Variants in MAFF observed in about 807,000 individuals in gnomAD.
MAFF encodes the protein transcription factor MafF.
In MAFF, 4 loss-of-function variants were observed where a neutral mutation model predicts 2.7. The observed-to-expected ratio is 1.48, with a 90% CI of 0.73 to 3.39. The LOEUF is 3.39. MAFF is among the 30% of genes most tolerant of loss of function. The probability of loss-of-function intolerance (pLI) is 0.01; values close to 1 mark genes in which losing one functional copy is unlikely to be tolerated. For synonymous variants in MAFF, 113 were observed against 119.4 expected (o/e 0.95, Z 0.35); for missense variants, 190 against 246.6 (o/e 0.77, Z 1.54).
intron 1 of MAFF, among the ~76,000 whole-genome samples, chr22:38,213,176 C>CAAAAAAAAAAAAAAAAAAAA (rs57782814): frequency 4.4e-5 from 5 of 114,082 alleles, no homozygotes; most frequent in Admixed American, 9.0e-5. Flanking sequence ...GACTCTGTCT[C>CAAAAAAAAAAAAAAAAAAAA]AAAAAAAAAA....
chr22:38,210,078 C>T (rs1283453612), intron 1 of MAFF, among the ~76,000 whole-genome samples: 1 of 152,060 alleles, frequency 6.6e-6, no homozygotes, highest in African/African-American at 2.4e-5. Flanking sequence ...GCATGTTCAG[C>T]AGTGGGGGGT....
chr22:38,202,811 A>C lies in MAFF; in HGVS notation c.-32+599A>C, dbSNP rs1465749746. The C allele has an allele frequency of 6.6e-6, 1 of 151,780 alleles. No homozygotes were observed. The highest frequency in any genetic ancestry group is 1.5e-5 in the Non-Finnish European group (1 of 67,990). 9.4% of individuals were successfully genotyped at this position (151,780 alleles called of 1,614,324 possible). ...CCACCGGAGTAAACGCGGAACAAGGACCCGAGCGAAGGAAGCGGACCCGTG... is the reference window on the plus strand; with the variant it reads ...CCACCGGAGTAAACGCGGAACAAGGCCCCGAGCGAAGGAAGCGGACCCGTG... On this transcript the variant is annotated intron_variant, in intron 1 of 2. Coordinates refer to ENST00000338483, the MANE Select transcript of MAFF (RefSeq NM_012323.4). The surrounding 1 kb of genome is among the most constrained non-coding windows in gnomAD (Gnocchi z 7.4).
chr22:38,207,442 T>C (rs867751394), intron 1 of MAFF, among the ~76,000 whole-genome samples: 46,203 of 95,076 alleles, frequency 0.49, 10,742 homozygotes, highest in East Asian at 0.57. Context: ...TTTTTTTTTT[T>C]TTTTTTTTTT....
chr22:38,206,429 C>A (rs1380365970), intron 1 of MAFF, among the ~76,000 whole-genome samples: 1 of 151,108 alleles, frequency 6.6e-6, no homozygotes, highest in African/African-American at 2.4e-5. Flanking sequence ...GAAACCTCCA[C>A]CTCCCGGGTT....
chr22:38,205,623 TG>T (rs1358186311), intron 1 of MAFF: 1 of 152,210 alleles, frequency 6.6e-6, no homozygotes, highest in Non-Finnish European at 1.5e-5. Context: ...GAAGACGTCA[TG>T]AACCTGCAGA....
At chr22:38,206,828 T>C (rs1225423492) in intron 1 of MAFF, among the ~76,000 whole-genome samples, 1 of 152,194 alleles carries the variant, frequency 6.6e-6, no homozygotes, top group African/African-American at 2.4e-5. Flanking sequence ...GAGGCTTCCC[T>C]TCTCCCATTG....
intron 1 of MAFF, among the ~76,000 whole-genome samples, chr22:38,211,194 G>A (rs1176541946): frequency 6.6e-6 from 1 of 151,900 alleles, no homozygotes; most frequent in East Asian, 1.9e-4. Context: ...AGCCAAGTAG[G>A]GCTGAGGTTG....
At chr22:38,211,868 C>A (rs1211418762) in intron 1 of MAFF, among the ~76,000 whole-genome samples, 1 of 152,232 alleles carries the variant, frequency 6.6e-6, no homozygotes, top group Non-Finnish European at 1.5e-5. Context: ...CTCAAGGAAC[C>A]AGGACTTGGA....
intron 1 of MAFF, 47 bp from the exon 2 acceptor site, chr22:38,213,776 G>A: frequency 2.1e-6 from 3 of 1,419,906 alleles, no homozygotes; most frequent in Non-Finnish European, 3.0e-6. Flanking sequence ...TATTCTAAAT[G>A]GGAAACCAAA....
intron 1 of MAFF, among the ~76,000 whole-genome samples, chr22:38,209,167 G>A (rs1210723728): frequency 6.6e-6 from 1 of 151,972 alleles, no homozygotes; most frequent in African/African-American, 2.4e-5. Flanking sequence ...CCGGGTTCAC[G>A]CCATTCTCCT....
Position 38,214,741 on chromosome 22 carries a change from T to C in MAFF, c.358T>C (p.Ser120Pro). The C allele has an allele frequency of 1.4e-6, 2 of 1,414,384 alleles. No homozygotes were observed. The highest frequency in any genetic ancestry group is 1.8e-6 in the Non-Finnish European group (2 of 1,093,916). The allele number at this position is 1,414,384 out of a possible 1,614,324, so 87.6% of individuals were successfully genotyped here. A position where few individuals can be genotyped will look rare whatever the true frequency, so the allele number is the denominator to read the frequency against. ...CGAGGCGCTGCAGGGCTTCGCGCGC[T>C]CCGTGGCCGCCGCCCGCGGGCCCGC... ...KCEALQGFAR[S>P]VAAARGPATL... is the part of the protein sequence containing the mutation. Residue 120 changes from serine to proline, a missense_variant, in exon 3 of 3, where the codon TCC becomes CCC. By Grantham distance (74) the Ser-to-Pro change is moderately conservative. This residue lies in a region of MAFF where 103 missense variants were observed against 103.0 expected (regional missense o/e 1.00). Transcript: ENST00000338483. The surrounding 1 kb of genome is among the most constrained non-coding windows in gnomAD (Gnocchi z 6.3).
chr22:38,209,429 A>C (rs973747898), intron 1 of MAFF, among the ~76,000 whole-genome samples: 2 of 152,062 alleles, frequency 1.3e-5, no homozygotes, highest in Non-Finnish European at 2.9e-5. Flanking sequence ...AAGATTGTCC[A>C]GCTGCTGTGT....
At position 38,214,018 on chromosome 22, in the gene MAFF, G is replaced by A. The variant is rs2091122955; in HGVS notation, c.36+129G>A. ...TCAGCAGGCACCAGGCCTTCATGAT[G>A]CCAAAGGGAAGGGCCACAGCCATGG... On this transcript the variant is annotated intron_variant, in intron 2 of 2. Coordinates refer to ENST00000338483, the MANE Select transcript of MAFF (RefSeq NM_012323.4). This position sits in a 1 kb window ranked among gnomAD's most constrained non-coding sequence, Gnocchi z 6.3. The A allele has an allele frequency of 1.0e-6, 1 of 972,470 alleles. No individual in the cohort carries two copies. 60.2% of individuals were successfully genotyped at this position (972,470 alleles called of 1,614,324 possible).
In MAFF at chr22:38,214,370, G is replaced by T; in HGVS notation, c.37-50G>T. 1.4e-6 allele frequency: 2 copies of T among 1,471,722 alleles called. No homozygotes were observed. The highest frequency in any genetic ancestry group is 1.3e-5 in the South Asian group (1 of 76,994). The allele number at this position is 1,471,722 out of a possible 1,614,324, so 91.2% of individuals were successfully genotyped here. A position where few individuals can be genotyped will look rare whatever the true frequency, so the allele number is the denominator to read the frequency against. ...GAAAGAGGAACACCGCGGGTGGAGC[G>T]GGGGGGCCCGTCCCCAGTCCCCTGG... is the stretch of plus-strand genomic sequence containing the variant. On this transcript the variant is annotated intron_variant, in intron 2 of 2. Coordinates refer to ENST00000338483, the MANE Select transcript of MAFF (RefSeq NM_012323.4). This position sits in a 1 kb window ranked among gnomAD's most constrained non-coding sequence, Gnocchi z 6.3.
Position 38,214,691 on chromosome 22 carries a change from A to G in MAFF, c.308A>G (p.Glu103Gly). 1 of 1,544,128 alleles carries G rather than the reference A, an allele frequency of 6.5e-7. No individual in the cohort carries two copies. The highest frequency in any genetic ancestry group is 8.7e-7 in the Non-Finnish European group (1 of 1,146,074). ...CGCGAGAACGCCGCCATGCGCCTGG[A>G]GCTCGACGCGCTGCGCGGCAAGTGC... ...LARENAAMRL[E>G]LDALRGKCEA... is the part of the protein sequence containing the mutation. Residue 103 changes from glutamate to glycine, a missense_variant, in exon 3 of 3, where the codon GAG (glutamate) becomes GGG (glycine). By Grantham distance (98) the Glu-to-Gly change is moderately conservative. Transcript: ENST00000338483. The surrounding 1 kb of genome is among the most constrained non-coding windows in gnomAD (Gnocchi z 6.3).
chr22:38,211,230 CTT>C (rs61328776), intron 1 of MAFF, among the ~76,000 whole-genome samples: 43 of 139,912 alleles, frequency 3.1e-4, no homozygotes, highest in Middle Eastern at 3.7e-3. Context: ...GGAGCACTTT[CTT>C]TTTTTTTTTT....
At chr22:38,206,315 A>C (rs940372139) in intron 1 of MAFF, among the ~76,000 whole-genome samples, 1 of 146,024 alleles carries the variant, frequency 6.8e-6, no homozygotes, top group Non-Finnish European at 1.5e-5. Context: ...TGGTGAGATG[A>C]GGTGATCTTT....
At position 38,214,534 on chromosome 22, in the gene MAFF, C is replaced by T. The variant is rs750486792; in HGVS notation, c.151C>T (p.Arg51Trp). ...CGGGCTCTCCGCCGAGGAGGTGACA[C>T]GGCTCAAGCAGCGGCGCCGCACACT... is the stretch of plus-strand genomic sequence containing the variant. The part of the protein sequence containing the change: ...LRGLSAEEVT[R>W]LKQRRRTLKN... The change falls in exon 3 of 3, where the codon CGG (arginine) becomes TGG (tryptophan). Residue 51 changes from arginine (R) to tryptophan (W), a missense_variant. Coordinates refer to ENST00000338483, the MANE Select transcript of MAFF (RefSeq NM_012323.4). The surrounding 1 kb of genome is among the most constrained non-coding windows in gnomAD (Gnocchi z 6.3). 1 of 1,610,070 alleles carries T rather than the reference C, an allele frequency of 6.2e-7. No homozygotes were observed.
At position 38,212,336 on chromosome 22, in the gene MAFF, C is replaced by T. The variant is rs555401205; in HGVS notation, c.-31-1487C>T. Among the ~76,000 whole-genome samples the T allele has an allele frequency of 4.5e-3, 692 of 152,272 alleles. 2 individuals are homozygous for T. Among genetic ancestry groups the T allele is most frequent in the African/African-American group, 0.016 (664 of 41,554 alleles). On this transcript the variant is annotated intron_variant, in intron 1 of 2. Transcript: ENST00000338483. ...TATTTTCCTTGGCTTCTTATCACTG[C>T]CCCCTCCCCTTGGAGACAGATGAGA...
Sources: gnomAD v4.1 joint callset for allele counts (sites outside exome capture counted in the v4.1 genomes callset) on GRCh38, gnomAD v4.1.1 for gene constraint, gnomAD v4.1.1 regional missense constraint, Gnocchi (gnomAD v3.1) non-coding constraint, MANE v1.5 for transcripts, NCBI Gene and HGNC (gene_info 2026-07-23, HGNC 2026-07-21) for gene names.